The following ABCC1 variants were observed in gnomAD, a reference collection of about 807,000 sequenced individuals.
The protein encoded by ABCC1 is multidrug resistance-associated protein 1.
Under a neutral mutation model 172.9 loss-of-function variants are expected in ABCC1, and 83 were observed. The ratio of observed to expected loss-of-function variants is 0.48; its 90% CI spans 0.40 to 0.58. ABCC1 has a LOEUF of 0.58. Ranked by LOEUF, ABCC1 falls within the 20% of genes least tolerant of loss-of-function variation. The probability of loss-of-function intolerance (pLI) is 0.00; values close to 1 mark genes in which losing one functional copy is unlikely to be tolerated. For synonymous variants in ABCC1, 937 were observed against 825.2 expected, an observed-to-expected ratio of 1.14 and a Z score of -2.32; for missense variants, 1,817 against 2,002.7, an observed-to-expected ratio of 0.91 and a Z score of 1.77.
At chr16:15,966,872 G>A (rs1459838801) in intron 1 of ABCC1, among the ~76,000 whole-genome samples, 3 of 152,076 alleles carry the variant, frequency 2.0e-5, no homozygotes, top group African/African-American at 7.2e-5. Flanking sequence ...CTGGAGTGCA[G>A]TGGCATGAAC....
At chr16:16,012,736 G>C (rs962617606) in intron 3 of ABCC1, among the ~76,000 whole-genome samples, 34 of 148,644 alleles carry the variant, frequency 2.3e-4, no homozygotes, top group Admixed American at 1.5e-3. Context: ...TTTCCCAGGC[G>C]CAATGGCATG....
At chr16:16,135,420 ATT>A (rs1433722623) in intron 28 of ABCC1, among the ~76,000 whole-genome samples, 2 of 152,060 alleles carry the variant, frequency 1.3e-5, no homozygotes, top group Non-Finnish European at 2.9e-5. Flanking sequence ...AACACACAGT[ATT>A]TGGTGAGAAA....
chr16:16,002,315 A>G (rs970336827), intron 1 of ABCC1, among the ~76,000 whole-genome samples: 23 of 152,320 alleles, frequency 1.5e-4, no homozygotes, highest in Admixed American at 1.2e-3. Flanking sequence ...TTATTTTTGT[A>G]TAAAATATTT....
At chr16:16,037,891 G>A (rs756019187) in intron 7 of ABCC1, among the ~76,000 whole-genome samples, 3 of 152,216 alleles carry the variant, frequency 2.0e-5, no homozygotes, top group Non-Finnish European at 4.4e-5. Flanking sequence ...CAGGTGATGG[G>A]AGAAATTGTC....
chr16:15,949,832 A>T (rs939100964), intron 1 of ABCC1, 33 bp downstream of exon 1: 2 of 1,189,136 alleles, frequency 1.7e-6, no homozygotes, highest in Non-Finnish European at 2.1e-6. Flanking sequence ...GGCCGGCGGG[A>T]CGGAGGGAGG....
At chr16:16,002,172 A>G (rs1358156274) in intron 1 of ABCC1, among the ~76,000 whole-genome samples, 1 of 152,240 alleles carries the variant, frequency 6.6e-6, no homozygotes, top group African/African-American at 2.4e-5. Flanking sequence ...CAGCCGTAAC[A>G]AAGAGTGAGG....
At chr16:16,061,695 GTTTAC>G (rs376460866) in intron 12 of ABCC1, among the ~76,000 whole-genome samples, 35 of 150,026 alleles carry the variant, frequency 2.3e-4, no homozygotes, top group African/African-American at 5.4e-4. Context: ...ACTTGATTCT[GTTTAC>G]TTTACTTTTA....
At chr16:16,018,803 T>G (rs75834344) in intron 5 of ABCC1, among the ~76,000 whole-genome samples, 1 of 151,138 alleles carries the variant, frequency 6.6e-6, no homozygotes, top group Non-Finnish European at 1.5e-5. Context: ...ATGTGTGTGT[T>G]TGTGTGTGTG....
intron 5 of ABCC1, among the ~76,000 whole-genome samples, chr16:16,021,345 G>A (rs1007088757): frequency 2.6e-5 from 4 of 151,714 alleles, no homozygotes; most frequent in African/African-American, 9.7e-5. Context: ...CATTTTGGGG[G>A]GTTAAATATA....
chr16:15,952,143 C>G (rs1441101986), intron 1 of ABCC1, among the ~76,000 whole-genome samples: 1 of 152,188 alleles, frequency 6.6e-6, no homozygotes, highest in African/African-American at 2.4e-5. Flanking sequence ...AATGTGGCAG[C>G]CTTCTTGGGT....
chr16:15,999,259 C>A (rs1437081150), intron 1 of ABCC1, among the ~76,000 whole-genome samples: 1 of 152,086 alleles, frequency 6.6e-6, no homozygotes, highest in Non-Finnish European at 1.5e-5. Flanking sequence ...CCCACCTTGG[C>A]CTCCCGAAGT....
At chr16:16,014,790 C>T (rs1487378036) in intron 4 of ABCC1, among the ~76,000 whole-genome samples, 162 bp downstream of exon 4, 1 of 152,200 alleles carries the variant, frequency 6.6e-6, no homozygotes, top group Non-Finnish European at 1.5e-5. Context: ...CCCACCAAAT[C>T]CTCACTAAAT....
In ABCC1 at chr16:16,115,025, C is replaced by T; in HGVS notation, c.3339C>T (p.Pro1113=). The change falls in exon 23 of 31, where the codon CCC becomes CCT. Residue 1113 remains proline, a synonymous_variant. Coordinates refer to ENST00000399410, the MANE Select transcript of ABCC1 (RefSeq NM_004996.4). ...GACIVILLAT[P]IAAIIIPPLG... Reference sequence around the variant, plus strand: ...GCATCGTTATCCTGCTGGCCACGCCCATCGCCGCCATCATCATCCCGCCCC... The same window carrying T: ...GCATCGTTATCCTGCTGGCCACGCCTATCGCCGCCATCATCATCCCGCCCC... 5.6e-6 allele frequency: 9 copies of T among 1,614,232 alleles called. No individual in the cohort carries two copies. The highest frequency in any genetic ancestry group is 7.6e-6 in the Non-Finnish European group (9 of 1,180,042).
In ABCC1 at chr16:16,026,691, G is replaced by A. The variant is rs546418302; in HGVS notation, c.616-6418G>A. 1.6e-4 allele frequency among the ~76,000 whole-genome samples: 25 copies of A among 151,828 alleles called. No homozygotes were observed. The South Asian group carries it at 5.0e-3, about 30-fold the overall frequency. ...AGCGCTTTGTGAGGCCGAGATAGGC[G>A]GATCAGTTGAGGTCAGGAGTTCGAG... On this transcript the variant is annotated intron_variant, in intron 5 of 30. Coordinates refer to ENST00000399410, the MANE Select transcript of ABCC1 (RefSeq NM_004996.4).
chr16:16,116,346 T>G (rs1193073226), intron 23 of ABCC1, among the ~76,000 whole-genome samples: 1 of 152,188 alleles, frequency 6.6e-6, no homozygotes, highest in Non-Finnish European at 1.5e-5. Flanking sequence ...CTCCCTTATC[T>G]GCAGGCACAC....
rs560634455 is a variant in ABCC1 at position 16,127,163 on chromosome 16, A to G, written c.3819+1252A>G. 6.6e-5 allele frequency among the ~76,000 whole-genome samples: 10 copies of G among 152,308 alleles called. No individual in the cohort carries two copies. In the South Asian group the frequency reaches 1.9e-3, roughly 28 times the overall value. ...AACAGGGACACACATAGTGCCTTGT[A>G]GAATGTCAGGCCCAGACTTAAACGT... On this transcript the variant is annotated intron_variant, in intron 26 of 30. Coordinates refer to ENST00000399410, the MANE Select transcript of ABCC1 (RefSeq NM_004996.4).
intron 1 of ABCC1, among the ~76,000 whole-genome samples, chr16:15,956,867 A>G (rs1341517941): frequency 2.0e-5 from 3 of 152,114 alleles, no homozygotes; most frequent in Non-Finnish European, 4.4e-5. Context: ...CAGAAGCATA[A>G]TCTGAGTATA....
chr16:16,124,335 G>GTGTGTGTGTGTGTA (rs1555502584), intron 24 of ABCC1, among the ~76,000 whole-genome samples: 1,527 of 87,672 alleles, frequency 0.017, 132 homozygotes, highest in Non-Finnish European at 0.021. Flanking sequence ...GTGTGTGTGT[G>GTGTGTGTGTGTGTA]TGTGTGTGTG....
At chr16:16,045,696 T>G in intron 8 of ABCC1, 140 bp from the exon 9 acceptor site, 1 of 865,482 alleles carries the variant, frequency 1.2e-6, no homozygotes, top group South Asian at 1.7e-5. Flanking sequence ...ACTGTGGACT[T>G]GTTTTTCCAT....
Sources: allele counts gnomAD v4.1 joint callset (sites outside exome capture counted in the v4.1 genomes callset), GRCh38; gene constraint gnomAD v4.1.1; transcripts MANE v1.5; gene names NCBI Gene and HGNC (gene_info 2026-07-23, HGNC 2026-07-21).